Variants in OSBPL8 observed in about 807,000 individuals in gnomAD.
OSBPL8 encodes the protein oxysterol binding protein like 8.
OSBPL8 carries 59 observed loss-of-function variants against 125.5 expected under a neutral mutation model. The ratio of observed to expected loss-of-function variants is 0.47; its 90% CI spans 0.38 to 0.58. The LOEUF (loss-of-function observed/expected upper bound fraction) is 0.58. Among genes scored for constraint, OSBPL8 ranks in the 20% least tolerant of loss-of-function variants. The pLI is 0.00. For missense variants in OSBPL8, 758 were observed against 1,047.8 expected (o/e 0.72, Z 3.82); for synonymous variants, 330 against 338.9 (o/e 0.97, Z 0.29).
intron 3 of OSBPL8, among the ~76,000 whole-genome samples, chr12:76,454,166 C>T (rs1475494431): frequency 6.6e-6 from 1 of 152,272 alleles, no homozygotes; most frequent in African/African-American, 2.4e-5. Context: ...GTGGGTCCAA[C>T]AATTCCACTC....
intron 6 of OSBPL8, among the ~76,000 whole-genome samples, chr12:76,400,279 A>G (rs1482078740): frequency 6.6e-6 from 1 of 152,162 alleles, no homozygotes; most frequent in Non-Finnish European, 1.5e-5. Flanking sequence ...TTTCTGAGTT[A>G]GTCTGCTAAG....
At chr12:76,458,540 A>T (rs926109075) in intron 3 of OSBPL8, among the ~76,000 whole-genome samples, 1 of 151,884 alleles carries the variant, frequency 6.6e-6, no homozygotes, top group African/African-American at 2.4e-5. Flanking sequence ...AAATTTCAAA[A>T]ATTAATTGGG....
At chr12:76,436,737 A>G (rs1251622104) in intron 4 of OSBPL8, among the ~76,000 whole-genome samples, 5 of 152,266 alleles carry the variant, frequency 3.3e-5, no homozygotes, top group African/African-American at 9.6e-5. Context: ...TCCACAAACT[A>G]TACCTTTGAA....
chr12:76,513,932 A>G (rs527471346), intron 1 of OSBPL8, among the ~76,000 whole-genome samples: 5 of 151,732 alleles, frequency 3.3e-5, no homozygotes, highest in African/African-American at 9.7e-5. Flanking sequence ...GTTAGTATTA[A>G]TATGTGTGGA....
chr12:76,384,934 T>C (rs186143234), intron 14 of OSBPL8, among the ~76,000 whole-genome samples: 1 of 152,296 alleles, frequency 6.6e-6, no homozygotes, highest in South Asian at 2.1e-4. Flanking sequence ...TAATAAATAC[T>C]GCTTTAACTC....
intron 1 of OSBPL8, among the ~76,000 whole-genome samples, chr12:76,525,734 A>C (rs544565862): frequency 3.9e-5 from 6 of 152,354 alleles, no homozygotes; most frequent in African/African-American, 1.4e-4. Context: ...AGGGAGTATA[A>C]AAAATAAAAG....
Position 76,508,287 on chromosome 12 carries a change from T to C in OSBPL8, c.-67-20669A>G, listed in dbSNP as rs1187508456. Reference sequence around the variant, plus strand: ...AGTCAGATTGTAAATAAGAACAAACTGGTTTAGCTAGTCTGAACTAATCTA... The same window carrying C: ...AGTCAGATTGTAAATAAGAACAAACCGGTTTAGCTAGTCTGAACTAATCTA... On this transcript the variant is annotated intron_variant, in intron 1 of 23. Transcript: ENST00000261183. Among the ~76,000 whole-genome samples, 4 of 151,732 alleles carry C rather than the reference T, an allele frequency of 2.6e-5. 1 individual carries two copies. Among genetic ancestry groups the C allele is most frequent in the Admixed American group, 6.6e-5 (1 of 15,230 alleles).
In OSBPL8 at chr12:76,351,970, G is replaced by C. The variant is rs1427073670; in HGVS notation, c.*3919C>G. ...GCCTATAACTATCTGTACATTTACTGTGCACCTTAAGGAAAAGAATTTGAC... is the reference window on the plus strand; with the variant it reads ...GCCTATAACTATCTGTACATTTACTCTGCACCTTAAGGAAAAGAATTTGAC... On this transcript the variant is annotated 3_prime_UTR_variant, in exon 24 of 24. Transcript: ENST00000261183. 6.6e-6 allele frequency: 1 copy of C among 152,144 alleles called. No homozygotes were observed. Among genetic ancestry groups the C allele is most frequent in the African/African-American group, 2.4e-5 (1 of 41,436 alleles). 9.4% of individuals were successfully genotyped at this position (152,144 alleles called of 1,614,324 possible).
At chr12:76,429,523 A>G (rs1870559548) in intron 4 of OSBPL8, among the ~76,000 whole-genome samples, 1 of 152,130 alleles carries the variant, frequency 6.6e-6, no homozygotes, top group African/African-American at 2.4e-5. Flanking sequence ...AGGTTTGTGA[A>G]TAGACTATTC....
In OSBPL8 at chr12:76,534,948, G is replaced by C. The variant is rs568438446; in HGVS notation, c.-68+24449C>G. 1.3e-4 allele frequency among the ~76,000 whole-genome samples: 20 copies of C among 151,892 alleles called. No homozygotes were observed. The East Asian group carries it at 3.3e-3, about 25-fold the overall frequency. ...ACTGGATATTCATTAAAAACAACAA[G>C]AACAACCAAAACAGCCTGGCTTTTA... On this transcript the variant is annotated intron_variant, in intron 1 of 23. Coordinates refer to ENST00000261183, the MANE Select transcript of OSBPL8 (RefSeq NM_020841.5).
intron 1 of OSBPL8, among the ~76,000 whole-genome samples, chr12:76,524,523 T>TA (rs1159148732): frequency 6.6e-6 from 1 of 152,062 alleles, no homozygotes; most frequent in Non-Finnish European, 1.5e-5. Flanking sequence ...ACGGGTATAA[T>TA]AATTGGAAAG....
intron 1 of OSBPL8, among the ~76,000 whole-genome samples, chr12:76,531,424 A>G (rs192043224): frequency 6.6e-6 from 1 of 152,380 alleles, no homozygotes; most frequent in Admixed American, 6.5e-5. Context: ...AACTCAGGTT[A>G]TAAAAACTAG....
In OSBPL8 at chr12:76,397,679, C is replaced by G. The variant is rs1475489244; in HGVS notation, c.672+15G>C. 1.2e-6 allele frequency: 2 copies of G among 1,607,236 alleles called. No individual in the cohort carries two copies. The highest frequency in any genetic ancestry group is 2.7e-5 in the African/African-American group (2 of 74,736). ...TCATCTTTACCTTTCACCTATGTAACAAGGGCTTACATACCTTCACTGCCC... is the reference window on the plus strand; with the variant it reads ...TCATCTTTACCTTTCACCTATGTAAGAAGGGCTTACATACCTTCACTGCCC... On this transcript the variant is annotated intron_variant, in intron 8 of 23. Coordinates refer to ENST00000261183, the MANE Select transcript of OSBPL8 (RefSeq NM_020841.5).
At chr12:76,488,745 T>C (rs1878419777) in intron 1 of OSBPL8, among the ~76,000 whole-genome samples, 1 of 152,178 alleles carries the variant, frequency 6.6e-6, no homozygotes, top group African/African-American at 2.4e-5. Context: ...CCGGCTCTTC[T>C]CTATTCCATC....
Position 76,394,734 on chromosome 12 carries a change from A to AT in OSBPL8, c.673-6dup. On this transcript the variant is annotated splice_polypyrimidine_tract_variant and splice_region_variant and intron_variant, in intron 8 of 23. Coordinates refer to ENST00000261183, the MANE Select transcript of OSBPL8 (RefSeq NM_020841.5). ...AACCGCTTCACCTTTTGGACCCTTAATAACAAAATAAACAAAATAAATGGT... is the reference window on the plus strand; with the variant it reads ...AACCGCTTCACCTTTTGGACCCTTAATTAACAAAATAAACAAAATAAATGGT... The AT allele has an allele frequency of 6.2e-7, 1 of 1,602,134 alleles. No individual in the cohort carries two copies. Among genetic ancestry groups the AT allele is most frequent in the Non-Finnish European group, 8.5e-7 (1 of 1,172,978 alleles).
At chr12:76,487,879 A>C (rs1565938476) in intron 1 of OSBPL8, among the ~76,000 whole-genome samples, 1 of 152,202 alleles carries the variant, frequency 6.6e-6, no homozygotes, top group Admixed American at 6.5e-5. Flanking sequence ...AGGATGCATA[A>C]ATCTACTTAC....
At chr12:76,480,845 G>A (rs1877393373) in intron 2 of OSBPL8, among the ~76,000 whole-genome samples, 1 of 152,186 alleles carries the variant, frequency 6.6e-6, no homozygotes. Flanking sequence ...CTAATCCCTG[G>A]AAGCTGTGAA....
chr12:76,511,933 A>C (rs1881040313), intron 1 of OSBPL8, among the ~76,000 whole-genome samples: 1 of 152,220 alleles, frequency 6.6e-6, no homozygotes, highest in Non-Finnish European at 1.5e-5. Flanking sequence ...AATCTTCTGC[A>C]TATGGCTAGC....
intron 14 of OSBPL8, among the ~76,000 whole-genome samples, chr12:76,384,630 G>C (rs1013981786): frequency 2.0e-5 from 3 of 152,094 alleles, no homozygotes; most frequent in African/African-American, 7.2e-5. Context: ...TCTGAGATTA[G>C]GTTACAAAGC....
Sources: gnomAD v4.1 joint callset for allele counts (sites outside exome capture counted in the v4.1 genomes callset) on GRCh38, gnomAD v4.1.1 for gene constraint, MANE v1.5 for transcripts, NCBI Gene and HGNC (gene_info 2026-07-23, HGNC 2026-07-21) for gene names.